The following COL21A1 variants were observed in gnomAD, a reference collection of about 807,000 sequenced individuals.
COL21A1 encodes collagen type XXI alpha 1 chain, also known as collagen alpha-1(XXI) chain.
In COL21A1, 149 loss-of-function variants were observed where a neutral mutation model predicts 137.9. The observed-to-expected ratio is 1.08, with a 90% CI of 0.95 to 1.24. The LOEUF is 1.24. Ranked by LOEUF, COL21A1 falls within the 50% of genes most tolerant of loss-of-function variation. COL21A1 has a pLI of 0.00. For missense variants in COL21A1, 1,167 were observed against 1,158.4 expected (o/e 1.01, Z -0.11); for synonymous variants, 456 against 391.5 (o/e 1.16, Z -1.95).
chr6:56,164,864 A>G (rs1319877970), intron 7 of COL21A1, 42 bp from the exon 8 acceptor site: 1 of 1,358,968 alleles, frequency 7.4e-7, no homozygotes, highest in Non-Finnish European at 1.0e-6. Context: ...TGTTTTAAAT[A>G]AAATTTATAA....
intron 1 of COL21A1, among the ~76,000 whole-genome samples, chr6:56,240,644 T>C (rs1463008829): frequency 6.6e-6 from 1 of 152,128 alleles, no homozygotes; most frequent in Non-Finnish European, 1.5e-5. Context: ...TGGCCTATAA[T>C]GGTGCTTTTA....
chr6:56,253,637 A>G (rs1482363640), intron 1 of COL21A1, among the ~76,000 whole-genome samples: 1 of 152,196 alleles, frequency 6.6e-6, no homozygotes, highest in Non-Finnish European at 1.5e-5. Context: ...GTTTAAGCTC[A>G]TTTGAATTGA....
At chr6:56,095,737 C>CTGG (rs1469096625) in intron 17 of COL21A1, among the ~76,000 whole-genome samples, 1 of 152,184 alleles carries the variant, frequency 6.6e-6, no homozygotes, top group Non-Finnish European at 1.5e-5. Flanking sequence ...CTAGCACACT[C>CTGG]ATATTTATCA....
At position 56,069,129 on chromosome 6, in the gene COL21A1, A is replaced by G. The variant is rs773113394; in HGVS notation, c.2020-12T>C. ...GCTCCTGGTTCTCCCTATGTAACAC[A>G]GAAATTCCAGAAAGATCACAGATCT... On this transcript the variant is annotated splice_polypyrimidine_tract_variant and intron_variant, in intron 21 of 29. Transcript: ENST00000244728. The G allele has an allele frequency of 6.4e-7, 1 of 1,569,830 alleles. No homozygotes were observed. The highest frequency in any genetic ancestry group is 1.4e-5 in the African/African-American group (1 of 73,512).
chr6:56,107,847 T>C (rs2152181127), intron 16 of COL21A1, among the ~76,000 whole-genome samples: 1 of 152,250 alleles, frequency 6.6e-6, no homozygotes, highest in East Asian at 1.9e-4. Context: ...ACTGAGTATA[T>C]TTAATTGCAG....
chr6:56,191,319 CAGAG>C (rs914056526), intron 1 of COL21A1, among the ~76,000 whole-genome samples: 85 of 151,748 alleles, frequency 5.6e-4, no homozygotes, highest in Admixed American at 5.9e-4. Flanking sequence ...AACAGACAAA[CAGAG>C]AGCCAATAAT....
At chr6:56,207,968 G>A (rs12191406) in intron 1 of COL21A1, among the ~76,000 whole-genome samples, 11,080 of 152,080 alleles carry the variant, frequency 0.073, 450 homozygotes, top group Middle Eastern at 0.12. Flanking sequence ...AAAGGCCTTC[G>A]ACAAAATTCA....
rs117988013 is a variant in COL21A1 at position 56,280,150 on chromosome 6, A to C, written c.-38-97494T>G. Among the ~76,000 whole-genome samples the C allele has an allele frequency of 4.1e-4, 63 of 152,258 alleles. No homozygotes were observed. The East Asian group carries it at 0.012, about 28-fold the overall frequency. Reference sequence around the variant, plus strand: ...TTTTTCATTGATTCAATGAATATTTATTGTGTTCAGTTCATACCAAGGACT... The same window carrying C: ...TTTTTCATTGATTCAATGAATATTTCTTGTGTTCAGTTCATACCAAGGACT... On this transcript the variant is annotated intron_variant, in intron 1 of 28. Coordinates refer to the COL21A1 transcript ENST00000370819.
intron 1 of COL21A1, among the ~76,000 whole-genome samples, chr6:56,214,526 A>G (rs2152308367): frequency 6.6e-6 from 1 of 152,196 alleles, no homozygotes; most frequent in Non-Finnish European, 1.5e-5. Context: ...ATGTTGGAGA[A>G]AGAACAGGGA....
At chr6:56,375,544 G>C (rs1284473708) in intron 1 of COL21A1, among the ~76,000 whole-genome samples, 3 of 152,138 alleles carry the variant, frequency 2.0e-5, no homozygotes, top group Non-Finnish European at 4.4e-5. Context: ...GTCAGGATGA[G>C]GGTGGTGGGC....
chr6:56,288,125 G>A (rs1763956609), intron 1 of COL21A1, among the ~76,000 whole-genome samples: 1 of 152,190 alleles, frequency 6.6e-6, no homozygotes, highest in African/African-American at 2.4e-5. Flanking sequence ...AGCAGCAATA[G>A]GAAGCTAATA....
upstream of COL21A1, among the ~76,000 whole-genome samples, chr6:56,249,480 A>G (rs1782799215): frequency 6.6e-6 from 1 of 152,216 alleles, no homozygotes. Context: ...CTATCAGCGG[A>G]TGAATGGATA....
At chr6:56,087,729 C>A (rs541713282) in intron 17 of COL21A1, among the ~76,000 whole-genome samples, 1 of 152,304 alleles carries the variant, frequency 6.6e-6, no homozygotes, top group South Asian at 2.1e-4. Context: ...CCTATCCTTT[C>A]CTGACTTAAA....
At chr6:56,391,782 CA>C (rs2152354002) in intron 1 of COL21A1, among the ~76,000 whole-genome samples, 1 of 152,170 alleles carries the variant, frequency 6.6e-6, no homozygotes, top group African/African-American at 2.4e-5. Flanking sequence ...CAATTTTATA[CA>C]TACAACCTAC....
At chr6:56,150,444 G>C (rs1304308539) in intron 10 of COL21A1, among the ~76,000 whole-genome samples, 1 of 151,804 alleles carries the variant, frequency 6.6e-6, no homozygotes, top group Non-Finnish European at 1.5e-5. Flanking sequence ...CGTGAACCTG[G>C]GAGGCGGAGC....
intron 16 of COL21A1, among the ~76,000 whole-genome samples, chr6:56,118,254 T>C (rs1772122143): frequency 6.6e-6 from 1 of 151,586 alleles, no homozygotes; most frequent in Non-Finnish European, 1.5e-5. Flanking sequence ...GGAGATATTA[T>C]AAATGATACT....
At chr6:56,384,806 C>T (rs2094014804) in intron 1 of COL21A1, among the ~76,000 whole-genome samples, 2 of 152,182 alleles carry the variant, frequency 1.3e-5, no homozygotes, top group African/African-American at 4.8e-5. Flanking sequence ...ATTCTGTACA[C>T]TTGTTCATTC....
intron 1 of COL21A1, among the ~76,000 whole-genome samples, chr6:56,295,175 T>C (rs748779125): frequency 1.1e-4 from 16 of 152,024 alleles, no homozygotes; most frequent in South Asian, 2.1e-4. Flanking sequence ...GGGTATTCAA[T>C]TATTCCAGTA....
At chr6:56,310,850 T>C (rs1764596377) in intron 1 of COL21A1, among the ~76,000 whole-genome samples, 1 of 151,994 alleles carries the variant, frequency 6.6e-6, no homozygotes, top group Non-Finnish European at 1.5e-5. Context: ...TATATAAACA[T>C]ATATTACATT....
Sources: allele counts gnomAD v4.1 joint callset (sites outside exome capture counted in the v4.1 genomes callset), GRCh38; gene constraint gnomAD v4.1.1; transcripts MANE v1.5; gene names NCBI Gene and HGNC (gene_info 2026-07-23, HGNC 2026-07-21).